TST: variants seen among roughly 807,000 people sequenced by gnomAD.
TST encodes the protein epididymis secretory sperm binding protein.
In TST, 22 loss-of-function variants were observed where a neutral mutation model predicts 20.4. The ratio of observed to expected loss-of-function variants is 1.08; its 90% confidence interval spans 0.77 to 1.54. The LOEUF is 1.54. TST is among the 40% of genes most tolerant of loss of function. The probability of loss-of-function intolerance (pLI) is 0.00; values close to 1 mark genes in which losing one functional copy is unlikely to be tolerated. For missense variants in TST, 392 were observed against 405.2 expected, an observed-to-expected ratio of 0.97 and a Z score of 0.28; for synonymous variants, 187 against 173.8, an observed-to-expected ratio of 1.08 and a Z score of -0.60.
intron 2 of TST, among the ~76,000 whole-genome samples, chr22:37,012,411 G>C (rs1021695656): frequency 6.6e-6 from 1 of 152,214 alleles, no homozygotes; most frequent in African/African-American, 2.4e-5. Context: ...CCACCCACAG[G>C]GTGAGGCCAC....
intron 2 of TST, among the ~76,000 whole-genome samples, chr22:37,014,926 T>A (rs130607): frequency 6.6e-6 from 1 of 151,868 alleles, no homozygotes. Context: ...GAGGCAGCCC[T>A]GCACCTTCCC....
chr22:37,018,031 G>A (rs760576945), intron 2 of TST, 107 bp downstream of exon 2: 18 of 812,982 alleles, frequency 2.2e-5, no homozygotes, highest in Admixed American at 1.3e-4. Context: ...CTACATGGGA[G>A]GATTGAAGGC....
chr22:37,019,915 G>A (rs1051387840), upstream of TST: 6 of 1,077,898 alleles, frequency 5.6e-6, no homozygotes, highest in Non-Finnish European at 7.1e-6. Flanking sequence ...GGAGGGGGAG[G>A]GAGTGGCTCT....
At chr22:37,017,405 C>T (rs1335617302) in intron 2 of TST, among the ~76,000 whole-genome samples, 2 of 152,174 alleles carry the variant, frequency 1.3e-5, no homozygotes, top group East Asian at 3.8e-4. Flanking sequence ...GCATTGGGTG[C>T]GTCCTGGTTT....
At chr22:37,016,445 G>A (rs1601447933) in intron 2 of TST, among the ~76,000 whole-genome samples, 1 of 152,068 alleles carries the variant, frequency 6.6e-6, no homozygotes, top group African/African-American at 2.4e-5. Context: ...AATTACAGAG[G>A]AGGAACTTCA....
chr22:37,011,470 T>G, intron 2 of TST, 145 bp from the exon 3 acceptor site: 3 of 890,796 alleles, frequency 3.4e-6, no homozygotes, highest in African/African-American at 1.7e-5. Context: ...GCTCAATTTA[T>G]TCCCAGCCCC....
chr22:37,019,810 G>T, upstream of TST: 2 of 1,156,314 alleles, frequency 1.7e-6, no homozygotes, highest in South Asian at 4.4e-5. Flanking sequence ...TGCGGGCGCG[G>T]GGAGGGGGCG....
rs187769234 is a variant in TST at position 37,015,449 on chromosome 22, A to G, written c.595+2689T>C. On this transcript the variant is annotated intron_variant, in intron 2 of 2. Transcript: ENST00000249042. ...TCAGGTGAGCAGCGCTCCTTTCACG[A>G]ACAACAGTTAGCGGTGAAGGCACTA... Among the ~76,000 whole-genome samples the G allele has an allele frequency of 2.2e-3, 342 of 152,318 alleles. 1 individual carries two copies. The highest frequency in any genetic ancestry group is 7.9e-3 in the African/African-American group (330 of 41,578).
At chr22:37,016,359 A>G (rs1346545948) in intron 2 of TST, among the ~76,000 whole-genome samples, 2 of 152,098 alleles carry the variant, frequency 1.3e-5, no homozygotes, top group African/African-American at 4.8e-5. Context: ...GGTCACTCCA[A>G]GGAGGAGTGG....
chr22:37,020,001 C>T, upstream of TST: 3 of 465,908 alleles, frequency 6.4e-6, no homozygotes. Context: ...AGAAGGCGCG[C>T]CGCTACGTTG....
At chr22:37,014,186 C>A (rs903711565) in intron 2 of TST, among the ~76,000 whole-genome samples, 7 of 152,138 alleles carry the variant, frequency 4.6e-5, no homozygotes, top group African/African-American at 1.7e-4. Context: ...CACGGTGAAA[C>A]CCCGTCTCTA....
At position 37,011,169 on chromosome 22, in the gene TST, C is replaced by A. The variant is rs1374149451; in HGVS notation, c.752G>T (p.Gly251Val). ...SQPLIATCRK[G>V]VTACHVALAA... ...CAAGGCCACGTGGCAGGCGGTGACTCCCTTGCGGCACGTGGCAATGAGAGG... is the reference window on the plus strand; with the variant it reads ...CAAGGCCACGTGGCAGGCGGTGACTACCTTGCGGCACGTGGCAATGAGAGG... Residue 251 changes from glycine (G) to valine (V), a missense_variant, in exon 3 of 3, where the codon GGA (glycine) becomes GTA (valine). By Grantham distance (109) the Gly-to-Val change is moderately radical. Coordinates refer to ENST00000249042, the MANE Select transcript of TST (RefSeq NM_003312.6). 1.9e-6 allele frequency: 3 copies of A among 1,613,662 alleles called. No homozygotes were observed. The highest frequency in any genetic ancestry group is 8.5e-7 in the Non-Finnish European group (1 of 1,180,038).
intron 2 of TST, among the ~76,000 whole-genome samples, chr22:37,017,357 G>A (rs1922718781): frequency 6.6e-6 from 1 of 152,164 alleles, no homozygotes; most frequent in Non-Finnish European, 1.5e-5. Context: ...ACTAGCAGAG[G>A]GGACTCCCTC....
At chr22:37,018,079 C>A in intron 2 of TST, 59 bp downstream of exon 2, 1 of 1,331,616 alleles carries the variant, frequency 7.5e-7, no homozygotes, top group Non-Finnish European at 1.0e-6. Context: ...GTCATCCTTA[C>A]TCCCTATCCT....
chr22:37,018,561 A>G lies in TST; in HGVS notation c.172T>C (p.Phe58Leu). Residue 58 changes from phenylalanine (F) to leucine (L), a missense_variant, in exon 2 of 3, where the codon TTC becomes CTC. Physicochemically the swap from Phe to Leu is conservative, Grantham distance 22. Transcript: ENST00000249042. Reference protein sequence around the residue: ...YLERHVPGASFFDIEECRDTA... With the variant: ...YLERHVPGASLFDIEECRDTA... ...TCCCGGCACTCTTCTATGTCAAAGA[A>G]AGAGGCGCCGGGTACGTGGCGCTCG... 1 of 1,567,932 alleles carries G rather than the reference A, an allele frequency of 6.4e-7. No individual in the cohort carries two copies. The highest frequency in any genetic ancestry group is 8.6e-7 in the Non-Finnish European group (1 of 1,156,418).
chr22:37,014,129 G>A (rs551185227), intron 2 of TST, among the ~76,000 whole-genome samples: 39 of 152,240 alleles, frequency 2.6e-4, no homozygotes, highest in East Asian at 3.9e-4. Flanking sequence ...TTGGGAGGCC[G>A]AGGTGGGCGG....
intron 2 of TST, among the ~76,000 whole-genome samples, chr22:37,016,046 C>T (rs1008817181): frequency 2.0e-5 from 3 of 148,680 alleles, no homozygotes; most frequent in Admixed American, 6.8e-5. Flanking sequence ...CGGGTTCAAG[C>T]GATTCTCCTG....
At position 37,018,368 on chromosome 22, in the gene TST, C is replaced by T; in HGVS notation, c.365G>A (p.Arg122His). 6.2e-7 allele frequency: 1 copy of T among 1,613,968 alleles called. No individual in the cohort carries two copies. Among genetic ancestry groups the T allele is most frequent in the Non-Finnish European group, 8.5e-7 (1 of 1,180,020 alleles). ...GCCACCATTGAGCACTGATACGGTG[C>T]GGTGGCCAAACACACGGAACATCCA... is the stretch of plus-strand genomic sequence containing the variant. The part of the protein sequence containing the change: ...VWWMFRVFGH[R>H]TVSVLNGGFR... The change falls in exon 2 of 3, where the codon CGC (arginine) becomes CAC (histidine). Residue 122 changes from arginine (R) to histidine (H), a missense_variant. By Grantham distance (29) the Arg-to-His change is conservative. Coordinates refer to ENST00000249042, the MANE Select transcript of TST (RefSeq NM_003312.6).
rs776369714 is a variant in TST, at chr22:37,011,087, C to A, written c.834G>T (p.Glu278Asp). The change falls in exon 3 of 3, where the codon GAG becomes GAT. Residue 278 changes from glutamate to aspartate, a missense_variant. Transcript: ENST00000249042. ...DVAVYDGSWSEWFRRAPPESR... is the reference protein window; with the variant it reads ...DVAVYDGSWSDWFRRAPPESR... ...TCTCTGGGGGGGCCCGGCGAAACCA[C>A]TCGGACCAGGAGCCATCGTACACGG... 6.2e-7 allele frequency: 1 copy of A among 1,613,062 alleles called. No homozygotes were observed. Among genetic ancestry groups the A allele is most frequent in the Non-Finnish European group, 8.5e-7 (1 of 1,180,016 alleles).
Sources: gnomAD v4.1 joint callset for allele counts (sites outside exome capture counted in the v4.1 genomes callset) on GRCh38, gnomAD v4.1.1 for gene constraint, MANE v1.5 for transcripts, NCBI Gene and HGNC (gene_info 2026-07-23, HGNC 2026-07-21) for gene names.